Variants in TJP1 observed in about 807,000 individuals in gnomAD.
TJP1 encodes the protein tight junction protein ZO-1.
TJP1 carries 43 observed loss-of-function variants against 194.2 expected under a neutral mutation model. The observed-to-expected ratio is 0.22, with a 90% confidence interval of 0.17 to 0.29. The LOEUF (loss-of-function observed/expected upper bound fraction) is 0.29. Ranked by LOEUF, TJP1 falls within the 10% of genes least tolerant of loss-of-function variation. The pLI is 1.00. For missense variants in TJP1, 1,971 were observed against 2,185.7 expected (o/e 0.90, Z 1.96); for synonymous variants, 801 against 779.0 (o/e 1.03, Z -0.47).
chr15:29,890,054 C>G (rs1400577591), intron 2 of TJP1, among the ~76,000 whole-genome samples: 1 of 152,164 alleles, frequency 6.6e-6, no homozygotes, highest in African/African-American at 2.4e-5. Flanking sequence ...TCTTCCACCC[C>G]TCTCTTCAGA....
At chr15:29,717,161 T>C (rs1362717475) in intron 22 of TJP1, among the ~76,000 whole-genome samples, 1 of 152,164 alleles carries the variant, frequency 6.6e-6, no homozygotes. Flanking sequence ...AGTGAACATC[T>C]TGAGAAGTAC....
rs1272830716 is a variant in TJP1 at position 29,718,742 on chromosome 15, C to G, written c.3400G>C (p.Glu1134Gln). ...SERGYFPRFE[E>Q]PAPLSYDSRP... ...CTGTCGTAAGACAGAGGGGCTGGCT[C>G]TTCAAAACGTGGAAAGTACCCTCGT... Residue 1134 changes from glutamate to glutamine, a missense_variant, in exon 21 of 28, where the codon GAG becomes CAG. Physicochemically the swap from Glu to Gln is conservative, Grantham distance 29. Around this residue, in one of 5 missense-constraint regions of TJP1, gnomAD observed 1,108 missense variants for 1,128.5 expected, o/e 0.98. Coordinates refer to ENST00000614355, the MANE Select transcript of TJP1 (RefSeq NM_001330239.4). The G allele has an allele frequency of 3.7e-6, 6 of 1,614,132 alleles. No individual in the cohort carries two copies. The highest frequency in any genetic ancestry group is 5.1e-6 in the Non-Finnish European group (6 of 1,180,038).
chr15:29,715,036 CT>C (rs1229642124), intron 23 of TJP1, among the ~76,000 whole-genome samples: 1 of 152,214 alleles, frequency 6.6e-6, no homozygotes, highest in Non-Finnish European at 1.5e-5. Context: ...GCCTAGCTCA[CT>C]TTAGGCTAGT....
intron 8 of TJP1, chr15:29,759,123 C>T (rs1332931415): frequency 6.6e-6 from 1 of 152,174 alleles, no homozygotes; most frequent in African/African-American, 2.4e-5. Flanking sequence ...GGTACGCCTC[C>T]CTTTTCTTAC....
chr15:29,877,047 G>A (rs1486989843), intron 2 of TJP1, among the ~76,000 whole-genome samples: 1 of 152,186 alleles, frequency 6.6e-6, no homozygotes, highest in African/African-American at 2.4e-5. Flanking sequence ...TAACATGCCA[G>A]TCTGCATTGC....
At chr15:29,847,407 T>A (rs946974228) in intron 2 of TJP1, among the ~76,000 whole-genome samples, 1 of 152,206 alleles carries the variant, frequency 6.6e-6, no homozygotes. Flanking sequence ...TTCTTTTGCT[T>A]GCTTTGGCTG....
In TJP1 at chr15:29,718,357, T is replaced by G. The variant is rs1226403210; in HGVS notation, c.3785A>C (p.Gln1262Pro). 2.5e-6 allele frequency: 4 copies of G among 1,614,174 alleles called. No individual in the cohort carries two copies. The highest frequency in any genetic ancestry group is 3.4e-6 in the Non-Finnish European group (4 of 1,180,032). ...CATCTTAACTCTGGTGAGTACAGAC[T>G]GTGGCTTCATTGCTGGATCTTCCTC... ...EEEEDPAMKP[Q>P]SVLTRVKMFE... The change falls in exon 21 of 28, where the codon CAG becomes CCG. Residue 1262 changes from glutamine to proline, a missense_variant. Coordinates refer to ENST00000614355, the MANE Select transcript of TJP1 (RefSeq NM_001330239.4).
chr15:29,900,304 G>A (rs1301210149), intron 2 of TJP1, among the ~76,000 whole-genome samples: 1 of 152,166 alleles, frequency 6.6e-6, no homozygotes, highest in Non-Finnish European at 1.5e-5. Flanking sequence ...CTTTGGCTTT[G>A]ACTGAGTGAG....
rs529828234 is a variant in TJP1 at position 29,740,503 on chromosome 15, T to C, written c.1256+828A>G. On this transcript the variant is annotated intron_variant, in intron 10 of 27. Coordinates refer to ENST00000614355, the MANE Select transcript of TJP1 (RefSeq NM_001330239.4). The stretch of plus-strand genomic sequence containing the variant: ...AAAATTAGCTAGGTGTGGTGGTGTG[T>C]GTCCTTTCATCCCAGCTACTCAGGA... Among the ~76,000 whole-genome samples the C allele has an allele frequency of 7.2e-5, 11 of 151,986 alleles. No individual in the cohort carries two copies. In the South Asian group the frequency reaches 2.3e-3, roughly 32 times the overall value.
At chr15:29,863,545 G>A (rs1044204859) in intron 2 of TJP1, among the ~76,000 whole-genome samples, 4 of 152,200 alleles carry the variant, frequency 2.6e-5, no homozygotes, top group African/African-American at 9.6e-5. Context: ...TCTCTGGGGT[G>A]TCACAACCAC....
In TJP1 at chr15:29,919,285, C is replaced by T. The variant is rs181008401; in HGVS notation, c.306+36947G>A. Among the ~76,000 whole-genome samples the T allele has an allele frequency of 2.0e-4, 30 of 152,290 alleles. No homozygotes were observed. In the East Asian group the frequency reaches 5.8e-3, roughly 29 times the overall value. The stretch of plus-strand genomic sequence containing the variant: ...AGAAAAGTCCCAGGAACAGGGGCAG[C>T]AGGCCCAGAGGGCATTAGGTTGGTG... On this transcript the variant is annotated intron_variant, in intron 2 of 28. Coordinates refer to the TJP1 transcript ENST00000356107.
chr15:29,915,174 G>A (rs1034077607), intron 2 of TJP1, among the ~76,000 whole-genome samples: 1 of 152,110 alleles, frequency 6.6e-6, no homozygotes, highest in African/African-American at 2.4e-5. Flanking sequence ...ACTGTAATAC[G>A]GCTGTGGTTA....
chr15:29,898,237 G>A (rs2053536247), intron 2 of TJP1, among the ~76,000 whole-genome samples: 1 of 152,144 alleles, frequency 6.6e-6, no homozygotes, highest in Non-Finnish European at 1.5e-5. Context: ...AGAACTGATG[G>A]TTTTAAAAAT....
At chr15:29,715,528 G>A (rs1310865727) in intron 23 of TJP1, among the ~76,000 whole-genome samples, 1 of 152,154 alleles carries the variant, frequency 6.6e-6, no homozygotes, top group Admixed American at 6.5e-5. Flanking sequence ...TGACAAATAG[G>A]TCATTTCCCA....
intron 2 of TJP1, among the ~76,000 whole-genome samples, chr15:29,865,045 G>A (rs1007337975): frequency 6.6e-6 from 1 of 152,072 alleles, no homozygotes; most frequent in Non-Finnish European, 1.5e-5. Flanking sequence ...AAGAAACCAC[G>A]AACGTTCCTG....
chr15:29,731,146 A>G (rs1940148135), intron 15 of TJP1, among the ~76,000 whole-genome samples: 2 of 149,488 alleles, frequency 1.3e-5, no homozygotes. Context: ...TTTTGGGGGA[A>G]GGGGCATATG....
At chr15:29,707,585 C>T (rs899057269) in intron 25 of TJP1, among the ~76,000 whole-genome samples, 5 of 152,054 alleles carry the variant, frequency 3.3e-5, no homozygotes, top group African/African-American at 4.8e-5. Flanking sequence ...TTTATGGTGG[C>T]GTGAAAATGG....
At chr15:29,968,175 T>C in intron 1 of TJP1, 1 of 985,420 alleles carries the variant, frequency 1.0e-6, no homozygotes. Flanking sequence ...GCAATAATAA[T>C]TTCCCAACTT....
At chr15:29,909,225 CT>C (rs2053937297) in intron 2 of TJP1, among the ~76,000 whole-genome samples, 2 of 150,442 alleles carry the variant, frequency 1.3e-5, no homozygotes, top group Non-Finnish European at 2.9e-5. Flanking sequence ...GTAGTCCCAG[CT>C]ACTTGGGAGG....
Sources: allele counts gnomAD v4.1 joint callset (sites outside exome capture counted in the v4.1 genomes callset), GRCh38; gene constraint gnomAD v4.1.1; regional missense constraint gnomAD v4.1.1; transcripts MANE v1.5; gene names NCBI Gene and HGNC (gene_info 2026-07-23, HGNC 2026-07-21).